FKBP1B: variants seen among roughly 807,000 people sequenced by gnomAD.
FKBP1B encodes the protein peptidyl-prolyl cis-trans isomerase FKBP1B.
A neutral mutation model predicts 13.5 loss-of-function variants in FKBP1B; 4 were observed. That is an observed-to-expected ratio of 0.30 (90% CI 0.15 to 0.68). The LOEUF is 0.68. Among genes scored for constraint, FKBP1B ranks in the 30% least tolerant of loss-of-function variants. The pLI is 0.76. For missense variants in FKBP1B, 93 were observed against 136.2 expected (o/e 0.68, Z 1.58); for synonymous variants, 54 against 53.6 (o/e 1.01, Z -0.03).
the FKBP1B span, chr2:24,039,103 A>G: frequency 6.2e-7 from 1 of 1,614,220 alleles, no homozygotes; most frequent in Non-Finnish European, 8.5e-7. Context: ...CTGAGCAGTC[A>G]ACACAGTCAG....
At chr2:24,035,723 T>C in the FKBP1B span, among the ~76,000 whole-genome samples, 1 of 151,360 alleles carries the variant, frequency 6.6e-6, no homozygotes, top group East Asian at 1.9e-4. Context: ...CAAACAAGCC[T>C]GGGCAACATA....
chr2:24,062,999 C>A (rs1292692258), intron 3 of FKBP1B, 65 bp from the exon 4 acceptor site: 1 of 1,613,350 alleles, frequency 6.2e-7, no homozygotes, highest in Non-Finnish European at 8.5e-7. Context: ...AGTCATCTAA[C>A]TTTTTTCTTT....
upstream of FKBP1B, among the ~76,000 whole-genome samples, chr2:24,047,575 C>T (rs1200054465): frequency 1.3e-5 from 2 of 152,084 alleles, no homozygotes. Flanking sequence ...GGCTCTGCCG[C>T]ACGGATCGCT....
intron 1 of FKBP1B, among the ~76,000 whole-genome samples, chr2:24,053,099 T>G (rs762134203): frequency 6.6e-6 from 1 of 151,962 alleles, no homozygotes; most frequent in African/African-American, 2.4e-5. Flanking sequence ...TTTGTGGTTT[T>G]GTTTTGTTTT....
chr2:24,051,482 C>G (rs1209259275), intron 1 of FKBP1B, among the ~76,000 whole-genome samples: 1 of 152,222 alleles, frequency 6.6e-6, no homozygotes, highest in Non-Finnish European at 1.5e-5. Context: ...CTCTCACCAC[C>G]TGTCCTAAGC....
chr2:24,040,688 A>G, the FKBP1B span, among the ~76,000 whole-genome samples: 1 of 152,330 alleles, frequency 6.6e-6, no homozygotes, highest in Non-Finnish European at 1.5e-5. Flanking sequence ...TTCACCCTGA[A>G]TATTTTTCCC....
the FKBP1B span, among the ~76,000 whole-genome samples, chr2:24,041,340 C>A: frequency 0.026 from 3,283 of 127,314 alleles, 128 homozygotes; most frequent in African/African-American, 0.088. Context: ...ACTCTATCTC[C>A]AAAAAAAAAA....
the FKBP1B span, among the ~76,000 whole-genome samples, chr2:24,044,351 C>T: frequency 6.6e-6 from 1 of 151,996 alleles, no homozygotes; most frequent in Admixed American, 6.6e-5. Flanking sequence ...CTCACTGCAA[C>T]CTCTGCTTCC....
the FKBP1B span, among the ~76,000 whole-genome samples, chr2:24,036,292 G>T: frequency 6.6e-6 from 1 of 151,510 alleles, no homozygotes; most frequent in Non-Finnish European, 1.5e-5. Context: ...TATCACTTGA[G>T]CCCAGGAGGT....
intron 1 of FKBP1B, among the ~76,000 whole-genome samples, chr2:24,051,344 A>AG (rs1553319582): frequency 3.4e-5 from 4 of 117,834 alleles, no homozygotes; most frequent in African/African-American, 5.7e-5. Context: ...AAAAAAAAAA[A>AG]AGAAAAAAAA....
chr2:24,049,581 C>T (rs959676901), upstream of FKBP1B: 3 of 347,834 alleles, frequency 8.6e-6, no homozygotes, highest in Non-Finnish European at 1.5e-5. Flanking sequence ...GGGTTAATGT[C>T]GTCAGGCGGG....
chr2:24,062,441 A>G (rs898845674), intron 3 of FKBP1B, among the ~76,000 whole-genome samples: 1 of 151,874 alleles, frequency 6.6e-6, no homozygotes, highest in African/African-American at 2.4e-5. Context: ...GGCCTCCCAA[A>G]GTGCTGAGAT....
At chr2:24,044,817 T>TA (rs747340836), upstream of FKBP1B, among the ~76,000 whole-genome samples, 994 of 103,716 alleles carry the variant, frequency 9.6e-3, 6 homozygotes, top group African/African-American at 0.019. Flanking sequence ...GAATTATCTT[T>TA]AAAAAAAAAA....
upstream of FKBP1B, among the ~76,000 whole-genome samples, chr2:24,045,548 C>G (rs1249932694): frequency 6.8e-6 from 1 of 148,050 alleles, no homozygotes; most frequent in Admixed American, 6.9e-5. Flanking sequence ...TTGCAGTGAG[C>G]CGAGTTTGCG....
At chr2:24,062,420 C>T (rs1196348688) in intron 3 of FKBP1B, among the ~76,000 whole-genome samples, 1 of 152,098 alleles carries the variant, frequency 6.6e-6, no homozygotes, top group Non-Finnish European at 1.5e-5. Flanking sequence ...CTCAGGTGAT[C>T]CACCTGCCTC....
chr2:24,046,770 GA>G (rs1214904262), upstream of FKBP1B, among the ~76,000 whole-genome samples: 1 of 152,128 alleles, frequency 6.6e-6, no homozygotes, highest in Non-Finnish European at 1.5e-5. Context: ...TTCATCCAAA[GA>G]AAATTATGAC....
the FKBP1B span, chr2:24,039,477 T>G: frequency 6.2e-7 from 1 of 1,611,892 alleles, no homozygotes; most frequent in Non-Finnish European, 8.5e-7. Flanking sequence ...TGAGTAGTTT[T>G]CCTTTTCCCA....
rs1664358981 is a variant in FKBP1B at position 24,060,883 on chromosome 2, GC to G, written c.156del (p.Lys53AsnfsTer15). The G allele has an allele frequency of 6.2e-7, 1 of 1,614,032 alleles. No individual in the cohort carries two copies. The highest frequency in any genetic ancestry group is 1.7e-5 in the Admixed American group (1 of 60,004). ...DRNKPFKFRI[G>X]KQEVIKGFEE... ...AACAAACCTTTCAAGTTCAGAATTG[GC>G]AAACAGGAAGTCATCAAAGGTTTTG... On this transcript the variant is annotated frameshift_variant, in exon 3 of 4. Transcript: ENST00000380986. LOFTEE classifies it high-confidence loss of function.
rs996195063 is a variant in FKBP1B, at chr2:24,063,481, G to A, written c.*289G>A. 1.2e-5 allele frequency: 4 copies of A among 327,452 alleles called. No homozygotes were observed. The highest frequency in any genetic ancestry group is 2.2e-5 in the Non-Finnish European group (4 of 180,818). 20.3% of individuals were successfully genotyped at this position (327,452 alleles called of 1,614,324 possible). A position where few individuals can be genotyped will look rare whatever the true frequency, so the allele number is the denominator to read the frequency against. ...ATGACAGAACACAGATCTCTTGTTCGCACAATCTACACTGCCTTACCTTCA... is the reference window on the plus strand; with the variant it reads ...ATGACAGAACACAGATCTCTTGTTCACACAATCTACACTGCCTTACCTTCA... On this transcript the variant is annotated 3_prime_UTR_variant, in exon 4 of 4. Transcript: ENST00000380986.
Sources: gnomAD v4.1 joint callset for allele counts (sites outside exome capture counted in the v4.1 genomes callset) on GRCh38, gnomAD v4.1.1 for gene constraint, MANE v1.5 for transcripts, NCBI Gene and HGNC (gene_info 2026-07-23, HGNC 2026-07-21) for gene names.